The following TBXAS1 variants were observed in gnomAD, a reference collection of about 807,000 sequenced individuals.
TBXAS1 encodes thromboxane-A synthase.
Under a neutral mutation model 60.7 loss-of-function variants are expected in TBXAS1, and 48 were observed. The observed-to-expected ratio is 0.79, with a 90% CI of 0.63 to 1.01. The LOEUF (loss-of-function observed/expected upper bound fraction) is 1.01. Ranked by LOEUF, TBXAS1 falls within the 50% of genes least tolerant of loss-of-function variation. TBXAS1 has a pLI of 0.00. For missense variants in TBXAS1, 685 were observed against 686.3 expected, an observed-to-expected ratio of 1.00 and a Z score of 0.02; for synonymous variants, 287 against 269.7, an observed-to-expected ratio of 1.06 and a Z score of -0.63.
In TBXAS1 at chr7:139,984,142, CA is replaced by C. The variant is rs1252559945; in HGVS notation, c.1134+21910del. Reference sequence around the variant, plus strand: ...CTTACCCGGCCATGTGGCCCTGGGGCATGACACAGTTCCCCCTAAGCCTCGC... The same window carrying C: ...CTTACCCGGCCATGTGGCCCTGGGGCTGACACAGTTCCCCCTAAGCCTCGC... On this transcript the variant is annotated intron_variant, in intron 9 of 12. Transcript: ENST00000448866. Among the ~76,000 whole-genome samples, 7 of 152,240 alleles carry C rather than the reference CA, an allele frequency of 4.6e-5. No individual in the cohort carries two copies. The East Asian group carries it at 1.3e-3, about 29-fold the overall frequency.
chr7:139,833,335 C>T lies in TBXAS1; in HGVS notation c.89+3856C>T, dbSNP rs192019530. Among the ~76,000 whole-genome samples, 11 of 151,964 alleles carry T rather than the reference C, an allele frequency of 7.2e-5. No individual in the cohort carries two copies. In the East Asian group the frequency reaches 9.7e-4, roughly 13 times the overall value. Reference sequence around the variant, plus strand: ...TGGACACCAAAAGCGAGTAGAGCAACGGTAGCTATTCTCATATCAGACAAA... The same window carrying T: ...TGGACACCAAAAGCGAGTAGAGCAATGGTAGCTATTCTCATATCAGACAAA... On this transcript the variant is annotated intron_variant, in intron 1 of 12. Transcript: ENST00000448866.
In TBXAS1 at chr7:140,017,813, C is replaced by A; in HGVS notation, c.1507C>A (p.Gln503Lys). 6.2e-7 allele frequency: 1 copy of A among 1,614,070 alleles called. No individual in the cohort carries two copies. The highest frequency in any genetic ancestry group is 8.5e-7 in the Non-Finnish European group (1 of 1,179,964). ...LLHVLHKFRF[Q>K]ACPETQVPLQ... Reference sequence around the variant, plus strand: ...CCACGTGCTGCACAAGTTCCGGTTCCAAGCCTGCCCTGAGACCCAGGTGAG... The same window carrying A: ...CCACGTGCTGCACAAGTTCCGGTTCAAAGCCTGCCCTGAGACCCAGGTGAG... The change falls in exon 12 of 13, where the codon CAA becomes AAA. Residue 503 changes from glutamine (Q) to lysine (K), a missense_variant. Gln to Lys is a moderately conservative substitution (Grantham distance 53, BLOSUM62 1). Coordinates refer to ENST00000448866, the MANE Select transcript of TBXAS1 (RefSeq NM_001061.7).
At chr7:139,969,432 G>GA (rs914668604) in intron 9 of TBXAS1, among the ~76,000 whole-genome samples, 2 of 42,380 alleles carry the variant, frequency 4.7e-5, no homozygotes, top group Non-Finnish European at 8.8e-5. Context: ...GGATCTCCAA[G>GA]AAAAAAAAGC....
intron 9 of TBXAS1, among the ~76,000 whole-genome samples, chr7:139,963,932 C>T (rs1810570264): frequency 6.6e-6 from 1 of 152,160 alleles, no homozygotes; most frequent in African/African-American, 2.4e-5. Flanking sequence ...CCATCATGCT[C>T]TCCTCTCAAA....
intron 3 of TBXAS1, among the ~76,000 whole-genome samples, chr7:139,908,739 T>G (rs1474728195): frequency 6.6e-6 from 1 of 152,202 alleles, no homozygotes; most frequent in African/African-American, 2.4e-5. Context: ...AAGGATAGTC[T>G]ATTATTTTTA....
chr7:139,886,260 C>T (rs1345638118), intron 3 of TBXAS1, among the ~76,000 whole-genome samples: 1 of 152,154 alleles, frequency 6.6e-6, no homozygotes, highest in Admixed American at 6.5e-5. Context: ...TTGCAACCCA[C>T]TCTATGAAGT....
At position 140,007,299 on chromosome 7, in the gene TBXAS1, G is replaced by A. The variant is rs181862993; in HGVS notation, c.1226+117G>A. The A allele has an allele frequency of 1.2e-4, 111 of 911,378 alleles. 2 individuals are homozygous for A. In the East Asian group the frequency reaches 2.1e-3, roughly 17 times the overall value. The allele number at this position is 911,378 out of a possible 1,614,324, so 56.5% of individuals were successfully genotyped here. A position where few individuals can be genotyped will look rare whatever the true frequency, so the allele number is the denominator to read the frequency against. ...ACCACTTGTGTTTCTGGAGGGCAAC[G>A]CCTGAGTCCTGGGTTCCTTTGTATC... On this transcript the variant is annotated intron_variant, in intron 10 of 12. Transcript: ENST00000448866.
intron 5 of TBXAS1, among the ~76,000 whole-genome samples, chr7:139,943,206 C>T (rs1040509327): frequency 2.0e-5 from 3 of 152,132 alleles, no homozygotes; most frequent in South Asian, 2.1e-4. Context: ...TAAAAATGAA[C>T]GTCATTATAA....
intron 4 of TBXAS1, among the ~76,000 whole-genome samples, chr7:139,934,092 A>G (rs375574102): frequency 7.2e-5 from 11 of 152,312 alleles, no homozygotes; most frequent in East Asian, 5.8e-4. Flanking sequence ...TCCCTCCAGG[A>G]AAATTCACTT....
rs1203995545 is a variant in TBXAS1, at chr7:139,896,974, C to T, written c.237-14251C>T. 6.6e-6 allele frequency among the ~76,000 whole-genome samples: 1 copy of T among 152,174 alleles called. No homozygotes were observed. Among genetic ancestry groups the T allele is most frequent in the Non-Finnish European group, 1.5e-5 (1 of 68,024 alleles). Reference sequence around the variant, plus strand: ...GTTGGTTTGGAGACAGAGAGCTTCACTGGGAGCTCCTCAGTGGTCCAGGCG... The same window carrying T: ...GTTGGTTTGGAGACAGAGAGCTTCATTGGGAGCTCCTCAGTGGTCCAGGCG... On this transcript the variant is annotated intron_variant, in intron 3 of 12. Coordinates refer to ENST00000448866, the MANE Select transcript of TBXAS1 (RefSeq NM_001061.7). This position sits in a 1 kb window ranked among gnomAD's most constrained non-coding sequence, Gnocchi z 4.0.
intron 4 of TBXAS1, among the ~76,000 whole-genome samples, chr7:139,925,722 A>G (rs1806827735): frequency 6.6e-6 from 1 of 152,176 alleles, no homozygotes; most frequent in African/African-American, 2.4e-5. Context: ...GTCATGTTCC[A>G]GATCTTGGAG....
rs1805960072 is a variant in TBXAS1 at position 139,916,257 on chromosome 7, G to A, written c.333+4936G>A. ...CCTCCTATCAAGGCCTAGAGTTAGGGAGCTGTGGGAAGGGTGATAAGAGGT... is the reference window on the plus strand; with the variant it reads ...CCTCCTATCAAGGCCTAGAGTTAGGAAGCTGTGGGAAGGGTGATAAGAGGT... On this transcript the variant is annotated intron_variant, in intron 4 of 12. Coordinates refer to ENST00000448866, the MANE Select transcript of TBXAS1 (RefSeq NM_001061.7). This position sits in a 1 kb window ranked among gnomAD's most constrained non-coding sequence, Gnocchi z 4.2. Among the ~76,000 whole-genome samples the A allele has an allele frequency of 1.3e-5, 2 of 152,146 alleles. No individual in the cohort carries two copies. Among genetic ancestry groups the A allele is most frequent in the South Asian group, 4.1e-4 (2 of 4,828 alleles).
rs200999267 is a variant in TBXAS1, at chr7:139,781,837, CAAAAAA to C, written c.-232-811_-232-806del. Among the ~76,000 whole-genome samples, 9 of 67,314 alleles carry C rather than the reference CAAAAAA, an allele frequency of 1.3e-4. No homozygotes were observed. The South Asian group carries it at 2.4e-3, about 18-fold the overall frequency. 44.2% of individuals were successfully genotyped at this position (67,314 alleles called of 152,430 possible). The stretch of plus-strand genomic sequence containing the variant: ...AGGCAACAAGAGCTAAATTCCATCT[CAAAAAA>C]AAAAAAAAAAAAAAAAAGGCAGAAA... On this transcript the variant is annotated intron_variant, in intron 2 of 16. Coordinates refer to the TBXAS1 transcript ENST00000336425.
At chr7:139,992,210 C>A (rs1207832055) in intron 9 of TBXAS1, among the ~76,000 whole-genome samples, 1 of 152,226 alleles carries the variant, frequency 6.6e-6, no homozygotes, top group African/African-American at 2.4e-5. Context: ...GAGGCATGGA[C>A]CAGCATCTCC....
intron 4 of TBXAS1, among the ~76,000 whole-genome samples, chr7:139,934,819 A>G (rs1807614204): frequency 6.6e-6 from 1 of 151,508 alleles, no homozygotes; most frequent in Admixed American, 6.6e-5. Context: ...TACCTTAATT[A>G]CCTCTTTTTT....
rs192932959 is a variant in TBXAS1 at position 139,817,242 on chromosome 7, A to G, written c.-79-12070A>G. On this transcript the variant is annotated intron_variant, in intron 4 of 16. Transcript: ENST00000336425. ...CCCCCCATCAGCTGTCTTTCTCGAC[A>G]GCACTTGGCGCCCATCCCTTCCTCT... Among the ~76,000 whole-genome samples, 566 of 148,288 alleles carry G rather than the reference A, an allele frequency of 3.8e-3. 1 individual carries two copies. Among genetic ancestry groups the G allele is most frequent in the Middle Eastern group, 6.9e-3 (2 of 290 alleles).
chr7:140,010,903 A>G (rs1402630289), intron 10 of TBXAS1, among the ~76,000 whole-genome samples: 1 of 152,096 alleles, frequency 6.6e-6, no homozygotes, highest in East Asian at 1.9e-4. Context: ...AGTAAAATCC[A>G]GCATAGAATT....
intron 9 of TBXAS1, among the ~76,000 whole-genome samples, chr7:139,998,690 A>G (rs1813462462): frequency 6.6e-6 from 1 of 152,244 alleles, no homozygotes; most frequent in Non-Finnish European, 1.5e-5. Context: ...TTATTATTCT[A>G]GATCTCTGCA....
chr7:139,832,850 C>T (rs1006042307), intron 1 of TBXAS1, among the ~76,000 whole-genome samples: 2 of 152,176 alleles, frequency 1.3e-5, no homozygotes, highest in African/African-American at 4.8e-5. Context: ...ATGTTGTATC[C>T]AGTGAAACTA....
Sources: gnomAD v4.1 joint callset for allele counts (sites outside exome capture counted in the v4.1 genomes callset) on GRCh38, gnomAD v4.1.1 for gene constraint, Gnocchi (gnomAD v3.1) non-coding constraint, MANE v1.5 for transcripts, NCBI Gene and HGNC (gene_info 2026-07-23, HGNC 2026-07-21) for gene names.